CCDC82: variants seen among roughly 807,000 people sequenced by gnomAD.
CCDC82 encodes the protein coiled-coil domain-containing protein 82.
CCDC82 carries 47 observed loss-of-function variants against 60.6 expected under a neutral mutation model. That is an observed-to-expected ratio of 0.77 (90% CI 0.61 to 0.99). CCDC82 has a LOEUF of 0.99. Among genes scored for constraint, CCDC82 ranks in the 50% least tolerant of loss-of-function variants. The pLI, the probability that CCDC82 is intolerant of heterozygous loss-of-function variation, is 0.00. For missense variants in CCDC82, 588 were observed against 633.0 expected, an observed-to-expected ratio of 0.93 and a Z score of 0.76; for synonymous variants, 212 against 207.4, an observed-to-expected ratio of 1.02 and a Z score of -0.19.
chr11:96,361,450 T>A lies in CCDC82; in HGVS notation c.1381-2272A>T, dbSNP rs7104079. ...TACCCCTCTTGGCATCTACTTATCATCATATAGATCTATAAATCAAAAATT... is the reference window on the plus strand; with the variant it reads ...TACCCCTCTTGGCATCTACTTATCAACATATAGATCTATAAATCAAAAATT... On this transcript the variant is annotated intron_variant, in intron 8 of 9. Coordinates refer to ENST00000646818, the MANE Select transcript of CCDC82 (RefSeq NM_024725.4). Among the ~76,000 whole-genome samples, 295 of 152,356 alleles carry A rather than the reference T, an allele frequency of 1.9e-3. 1 individual carries two copies. Among genetic ancestry groups the A allele is most frequent in the African/African-American group, 6.9e-3 (287 of 41,594 alleles).
intron 8 of CCDC82, 87 bp from the exon 9 acceptor site, chr11:96,359,265 G>T: frequency 2.9e-6 from 3 of 1,030,760 alleles, no homozygotes; most frequent in Non-Finnish European, 4.1e-6. Context: ...GAATCAAAAT[G>T]CATTATTAAC....
At chr11:96,354,498 A>G (rs1282093503) in intron 9 of CCDC82, 3 of 152,214 alleles carry the variant, frequency 2.0e-5, no homozygotes, top group Non-Finnish European at 4.4e-5. Flanking sequence ...GGAGCAGGGG[A>G]CTGAACTGAT....
chr11:96,375,476 G>A (rs1208596487), intron 5 of CCDC82, among the ~76,000 whole-genome samples: 1 of 152,092 alleles, frequency 6.6e-6, no homozygotes, highest in Non-Finnish European at 1.5e-5. Flanking sequence ...GGTGGGTGGT[G>A]GTGGGTTAAT....
At position 96,369,096 on chromosome 11, in the gene CCDC82, A is replaced by G. The variant is rs535525943; in HGVS notation, c.1209+1917T>C. On this transcript the variant is annotated intron_variant, in intron 7 of 9. Coordinates refer to ENST00000646818, the MANE Select transcript of CCDC82 (RefSeq NM_024725.4). ...TGCTATCTCCAAACTTTTCTTCTGAAGCTTCCTCACCTCACTGAGCATTCA... is the reference window on the plus strand; with the variant it reads ...TGCTATCTCCAAACTTTTCTTCTGAGGCTTCCTCACCTCACTGAGCATTCA... Among the ~76,000 whole-genome samples the G allele has an allele frequency of 1.3e-5, 2 of 152,292 alleles. 1 individual carries two copies. The highest frequency in any genetic ancestry group is 4.1e-4 in the South Asian group (2 of 4,828).
intron 1 of CCDC82, chr11:96,389,029 TA>T (rs1866375926): frequency 6.6e-6 from 1 of 152,248 alleles, no homozygotes; most frequent in African/African-American, 2.4e-5. Context: ...ATTTGAGGGC[TA>T]CAGTGTATGA....
chr11:96,358,087 G>A (rs879462852), intron 9 of CCDC82: 6 of 985,346 alleles, frequency 6.1e-6, no homozygotes, highest in Non-Finnish European at 7.2e-6. Flanking sequence ...CTTTCCATCT[G>A]CCTAAGCTCT....
chr11:96,355,946 T>C (rs766148246), intron 9 of CCDC82: 5 of 152,128 alleles, frequency 3.3e-5, no homozygotes, highest in Admixed American at 6.6e-5. Context: ...ATAAGAGAAG[T>C]TTGGAATCTT....
At chr11:96,377,195 A>G (rs946587079) in intron 5 of CCDC82, among the ~76,000 whole-genome samples, 2 of 152,206 alleles carry the variant, frequency 1.3e-5, no homozygotes, top group Non-Finnish European at 2.9e-5. Context: ...CTACTTTAAC[A>G]TATCTCCCCT....
intron 8 of CCDC82, chr11:96,363,381 T>C (rs1864772759): frequency 6.6e-6 from 1 of 152,240 alleles, no homozygotes; most frequent in Non-Finnish European, 1.5e-5. Flanking sequence ...TAAGTCATTC[T>C]TCACTTTAAA....
chr11:96,373,611 T>C (rs1865406311), intron 5 of CCDC82, 144 bp from the exon 6 acceptor site: 4 of 513,430 alleles, frequency 7.8e-6, no homozygotes, highest in Middle Eastern at 5.1e-4. Flanking sequence ...GCTTCCTCGA[T>C]GACTTGTTTA....
At chr11:96,360,975 T>G (rs1488262922) in intron 8 of CCDC82, among the ~76,000 whole-genome samples, 2 of 152,256 alleles carry the variant, frequency 1.3e-5, no homozygotes, top group Admixed American at 1.3e-4. Context: ...TTTCAGATCA[T>G]TAGAAGTAAA....
intron 9 of CCDC82, chr11:96,358,766 C>T: frequency 1.1e-6 from 1 of 900,188 alleles, no homozygotes; most frequent in Non-Finnish European, 1.6e-6. Context: ...AGTGTTAATG[C>T]TTATTAAAAT....
At chr11:96,360,200 T>TATA (rs67524232) in intron 8 of CCDC82, among the ~76,000 whole-genome samples, 71 of 143,150 alleles carry the variant, frequency 5.0e-4, no homozygotes, top group African/African-American at 6.3e-4. Flanking sequence ...ATATATATAT[T>TATA]TTTTTTGTTT....
chr11:96,353,410 T>C lies in CCDC82; in HGVS notation c.*236A>G, dbSNP rs1388391382. 3 of 410,256 alleles carry C rather than the reference T, an allele frequency of 7.3e-6. No individual in the cohort carries two copies. The highest frequency in any genetic ancestry group is 1.3e-5 in the Non-Finnish European group (3 of 229,986). 25.4% of individuals were successfully genotyped at this position (410,256 alleles called of 1,614,324 possible). On this transcript the variant is annotated 3_prime_UTR_variant, in exon 10 of 10. Coordinates refer to ENST00000646818, the MANE Select transcript of CCDC82 (RefSeq NM_024725.4). ...GTTATAAAGCCATTATTATATAACT[T>C]TAAAATATATTTACAGACTTAAAAA...
rs1865391619 is a variant in CCDC82 at position 96,373,406 on chromosome 11, A to C, written c.1053T>G (p.Ala351=). ...ATGTTCCCAGAAAAGATTCATCTAA[A>C]GCGTTGATCAGAAGAGCCTTCACAA... ...ERVVKALLIN[A]LDESFLGTLY... The change falls in exon 6 of 10, where the codon GCT becomes GCG. Residue 351 remains alanine, a synonymous_variant. Transcript: ENST00000646818. 7.5e-6 allele frequency: 12 copies of C among 1,608,804 alleles called. No homozygotes were observed. Among genetic ancestry groups the C allele is most frequent in the Non-Finnish European group, 1.0e-5 (12 of 1,176,310 alleles).
intron 7 of CCDC82, 133 bp downstream of exon 7, chr11:96,370,880 G>A: frequency 1.4e-6 from 1 of 704,232 alleles, no homozygotes; most frequent in Non-Finnish European, 2.1e-6. Flanking sequence ...TTTAGAAGAT[G>A]TGAGAAATAA....
intron 5 of CCDC82, chr11:96,380,639 A>G (rs577257061): frequency 6.6e-6 from 1 of 151,980 alleles, no homozygotes; most frequent in African/African-American, 2.4e-5. Context: ...CCATACAATG[A>G]AAAATATTCA....
intron 9 of CCDC82, 68 bp downstream of exon 9, chr11:96,358,925 G>A (rs1591161908): frequency 7.7e-7 from 1 of 1,302,980 alleles, no homozygotes; most frequent in East Asian, 2.5e-5. Context: ...TTAATCATTT[G>A]TTTCCTTTTG....
At chr11:96,363,343 T>C (rs1340887486) in intron 8 of CCDC82, 1 of 152,214 alleles carries the variant, frequency 6.6e-6, no homozygotes, top group East Asian at 1.9e-4. Flanking sequence ...TTACATTGTA[T>C]TGAAGTAGGA....
Sources: gnomAD v4.1 joint callset for allele counts (sites outside exome capture counted in the v4.1 genomes callset) on GRCh38, gnomAD v4.1.1 for gene constraint, MANE v1.5 for transcripts, NCBI Gene and HGNC (gene_info 2026-07-23, HGNC 2026-07-21) for gene names.